Variants in CHRNB4 observed in about 807,000 individuals in gnomAD.
CHRNB4 encodes the protein cholinergic receptor nicotinic beta 4 subunit.
CHRNB4 carries 23 observed loss-of-function variants against 40.4 expected under a neutral mutation model. That is an observed-to-expected ratio of 0.57 (90% CI 0.41 to 0.81). The LOEUF is 0.81. CHRNB4 is among the 30% of genes least tolerant of loss of function. CHRNB4 has a pLI of 0.00. For missense variants in CHRNB4, 568 were observed against 670.6 expected (o/e 0.85, Z 1.69); for synonymous variants, 285 against 274.4 (o/e 1.04, Z -0.38).
chr15:78,634,345 T>C (rs996584967), intron 2 of CHRNB4, among the ~76,000 whole-genome samples: 15 of 152,168 alleles, frequency 9.9e-5, no homozygotes, highest in Admixed American at 9.8e-4. Flanking sequence ...TTCAACTCAT[T>C]AAGCAAGAAG....
chr15:78,625,472 G>C (rs2053630647), intron 5 of CHRNB4, among the ~76,000 whole-genome samples, 181 bp from the exon 6 acceptor site: 1 of 152,162 alleles, frequency 6.6e-6, no homozygotes, highest in Non-Finnish European at 1.5e-5. Context: ...AGCCTCTCTG[G>C]CTGTTCTCCA....
At chr15:78,647,620 GC>G in intron 7 of CHRNB4, among the ~76,000 whole-genome samples, 1 of 149,956 alleles carries the variant, frequency 6.7e-6, no homozygotes, top group Admixed American at 6.6e-5. Context: ...GCCAAGGCGG[GC>G]AGATCACAAG....
rs146991423 is a variant in CHRNB4 at position 78,647,861 on chromosome 15, CAAAAAAA to C, written c.46+1511_46+1517del. The stretch of plus-strand genomic sequence containing the variant: ...GGCAACAGAGCGAGAGACTCCATCT[CAAAAAAA>C]AAAAAAAAAAAAAAAAAGAGATTCT... On this transcript the variant is annotated intron_variant and NMD_transcript_variant, in intron 7 of 11. Transcript: ENST00000559849. Among the ~76,000 whole-genome samples, 45 of 39,120 alleles carry C rather than the reference CAAAAAAA, an allele frequency of 1.2e-3. No homozygotes were observed. The East Asian group carries it at 0.015, about 13-fold the overall frequency. 25.7% of individuals were successfully genotyped at this position (39,120 alleles called of 152,430 possible).
chr15:78,627,767 T>C (rs186632795), intron 5 of CHRNB4: 1 of 152,352 alleles, frequency 6.6e-6, no homozygotes, highest in East Asian at 1.9e-4. Flanking sequence ...TACTATGACA[T>C]TGTCCTTAGA....
Position 78,634,678 on chromosome 15 carries a change from G to A in CHRNB4, c.204+761C>T, listed in dbSNP as rs956174384. ...TCTCTTTCCCCTGGCTGGACACAGC[G>A]CCCTGCACTCTCCCCTTGTGAATGT... On this transcript the variant is annotated intron_variant, in intron 2 of 5. Transcript: ENST00000261751. 23 of 455,866 alleles carry A rather than the reference G, an allele frequency of 5.0e-5. 1 individual carries two copies. Among genetic ancestry groups the A allele is most frequent in the South Asian group, 2.9e-4 (19 of 64,548 alleles). The allele number at this position is 455,866 out of a possible 1,614,324, so 28.2% of individuals were successfully genotyped here.
chr15:78,649,345 A>C (rs1270690745), intron 7 of CHRNB4: 3 of 444,108 alleles, frequency 6.8e-6, no homozygotes, highest in African/African-American at 2.0e-5. Flanking sequence ...GTCCATCAAC[A>C]AGAACACGGA....
chr15:78,631,191 C>T lies in CHRNB4; in HGVS notation c.250-6G>A. On this transcript the variant is annotated splice_polypyrimidine_tract_variant and splice_region_variant and intron_variant, in intron 3 of 5. Transcript: ENST00000261751. ...AGGCGGTAATCAGTCCATTCCTGGACAGACAGGCAAGGCCCTGTCACTTGC... is the reference window on the plus strand; with the variant it reads ...AGGCGGTAATCAGTCCATTCCTGGATAGACAGGCAAGGCCCTGTCACTTGC... 6.2e-7 allele frequency: 1 copy of T among 1,613,972 alleles called. No homozygotes were observed. Among genetic ancestry groups the T allele is most frequent in the Non-Finnish European group, 8.5e-7 (1 of 1,179,804 alleles).
intron 2 of CHRNB4, among the ~76,000 whole-genome samples, chr15:78,631,579 A>G (rs947154844): frequency 6.6e-6 from 1 of 152,146 alleles, no homozygotes; most frequent in Non-Finnish European, 1.5e-5. Context: ...ATCCAGTTCC[A>G]CAAGCCAGAA....
chr15:78,651,510 G>A lies in CHRNB4; in HGVS notation c.-16+1068C>T, dbSNP rs547123420. 3.9e-5 allele frequency among the ~76,000 whole-genome samples: 6 copies of A among 152,308 alleles called. No homozygotes were observed. In the East Asian group the frequency reaches 9.7e-4, roughly 25 times the overall value. ...ACAGCTGCCCAGAGACCTCTCCAGG[G>A]CCTTGCCCTTGGTGGTCCCACCAGA... On this transcript the variant is annotated intron_variant and NMD_transcript_variant, in intron 6 of 11. Transcript: ENST00000559849.
chr15:78,649,451 G>C (rs2054153660), intron 6 of CHRNB4: 1 of 452,782 alleles, frequency 2.2e-6, no homozygotes. Flanking sequence ...TAAGAAGAAT[G>C]GTTTTTATAA....
intron 7 of CHRNB4, among the ~76,000 whole-genome samples, chr15:78,647,318 G>T (rs920761509): frequency 6.6e-6 from 1 of 151,300 alleles, no homozygotes; most frequent in Non-Finnish European, 1.5e-5. Context: ...AATATTTAAG[G>T]AATTATATAT....
chr15:78,651,025 A>G (rs1488851133), intron 6 of CHRNB4, among the ~76,000 whole-genome samples: 1 of 152,052 alleles, frequency 6.6e-6, no homozygotes, highest in Non-Finnish European at 1.5e-5. Context: ...ATCAAAATGG[A>G]CCTTTTCTCG....
chr15:78,640,937 G>C, intron 1 of CHRNB4, 142 bp downstream of exon 1: 2 of 985,718 alleles, frequency 2.0e-6, no homozygotes, highest in Non-Finnish European at 2.9e-6. Flanking sequence ...GCTCAGCCCT[G>C]CCCACGCCCC....
intron 1 of CHRNB4, among the ~76,000 whole-genome samples, chr15:78,640,695 G>A (rs1451580515): frequency 2.6e-5 from 4 of 152,218 alleles, no homozygotes; most frequent in African/African-American, 9.6e-5. Flanking sequence ...AGGCAAGGAA[G>A]GAGCCTCGGC....
intron 5 of CHRNB4, among the ~76,000 whole-genome samples, chr15:78,654,810 G>A (rs1446321428): frequency 6.6e-6 from 1 of 152,142 alleles, no homozygotes; most frequent in East Asian, 1.9e-4. Context: ...TGTGTAACCA[G>A]CATCCAGCTC....
Position 78,629,528 on chromosome 15 carries a change from G to A in CHRNB4, c.777C>T (p.Asp259=), listed in dbSNP as rs779048495. ...LAILVFYLPS[D]CGEKMTLCIS... is the part of the protein sequence containing the mutation. ...TGCACAGTGTCATCTTCTCGCCGCA[G>A]TCGGATGGCAGGTAGAAGACGAGGA... The change falls in exon 5 of 6, where the codon GAC becomes GAT. Residue 259 remains aspartate (D), a synonymous_variant. Coordinates refer to ENST00000261751, the MANE Select transcript of CHRNB4 (RefSeq NM_000750.5). The surrounding 1 kb of genome is among the most constrained non-coding windows in gnomAD (Gnocchi z 6.8). 7 of 1,614,192 alleles carry A rather than the reference G, an allele frequency of 4.3e-6. No individual in the cohort carries two copies. The Admixed American group carries it at 1.0e-4, about 23-fold the overall frequency.
rs772576680 is a variant in CHRNB4 at position 78,629,606 on chromosome 15, CAG to C, written c.697_698del (p.Leu233ValfsTer208). ...TYDFIIKRKP[L>X]FYTINLIIPC... is the part of the protein sequence containing the mutation. ...GGATGATGAGGTTGATGGTGTAGAA[CAG>C]AGGCTTGCGCTTGATGATGAAGTCG... On this transcript the variant is annotated frameshift_variant, in exon 5 of 6. Transcript: ENST00000261751. LOFTEE classifies it high-confidence loss of function. The surrounding 1 kb of genome is among the most constrained non-coding windows in gnomAD (Gnocchi z 6.8). 3 of 1,614,120 alleles carry C rather than the reference CAG, an allele frequency of 1.9e-6. No homozygotes were observed. Among genetic ancestry groups the C allele is most frequent in the Non-Finnish European group, 2.5e-6 (3 of 1,180,022 alleles).
rs1238649071 is a variant in CHRNB4, at chr15:78,649,921, T to C, written c.-15-482A>G. On this transcript the variant is annotated intron_variant and NMD_transcript_variant, in intron 6 of 11. Coordinates refer to the CHRNB4 transcript ENST00000559849. ...CAAATATGACTACATATGAGTATGT[T>C]TGAACAACTCCGGATAATGGTTCCC... is the stretch of plus-strand genomic sequence containing the variant. Among the ~76,000 whole-genome samples the C allele has an allele frequency of 1.3e-5, 2 of 152,246 alleles. 1 individual carries two copies. Among genetic ancestry groups the C allele is most frequent in the South Asian group, 4.1e-4 (2 of 4,834 alleles).
rs1234819387 is a variant in CHRNB4 at position 78,641,143 on chromosome 15, G to A, written c.-10C>T. 2 of 1,551,432 alleles carry A rather than the reference G, an allele frequency of 1.3e-6. No homozygotes were observed. The highest frequency in any genetic ancestry group is 1.2e-5 in the South Asian group (1 of 84,526). On this transcript the variant is annotated 5_prime_UTR_variant, in exon 1 of 6. Transcript: ENST00000261751. Reference sequence around the variant, plus strand: ...AAGGCGCGCGCCTCATGGCCGGCGGGGCCGGGTGGCAGCCGCCGCGAGCTC... The same window carrying A: ...AAGGCGCGCGCCTCATGGCCGGCGGAGCCGGGTGGCAGCCGCCGCGAGCTC...
Sources: allele counts gnomAD v4.1 joint callset (sites outside exome capture counted in the v4.1 genomes callset), GRCh38; gene constraint gnomAD v4.1.1; non-coding constraint Gnocchi (gnomAD v3.1); transcripts MANE v1.5; gene names NCBI Gene and HGNC (gene_info 2026-07-23, HGNC 2026-07-21).